Variants in NPM1 observed in about 807,000 individuals in gnomAD.
The protein encoded by NPM1 is nucleophosmin 1, also known as nucleophosmin.
In NPM1, 1 loss-of-function variant was observed where a neutral mutation model predicts 44.1. The observed-to-expected ratio is 0.02, with a 90% CI of 0.01 to 0.11. The LOEUF (loss-of-function observed/expected upper bound fraction) is 0.11. NPM1 is among the 10% of genes least tolerant of loss of function. The probability of loss-of-function intolerance (pLI) is 1.00; values close to 1 mark genes in which losing one functional copy is unlikely to be tolerated. For synonymous variants in NPM1, 126 were observed against 111.8 expected (o/e 1.13, Z -0.80); for missense variants, 197 against 347.8 (o/e 0.57, Z 3.45).
chr5:171,405,092 C>T, intron 8 of NPM1, among the ~76,000 whole-genome samples: 1 of 152,156 alleles, frequency 6.6e-6, no homozygotes, highest in East Asian at 1.9e-4. Context: ...CATGCACCAC[C>T]ATGCCTAGCT....
intron 2 of NPM1, 33 bp from the exon 3 acceptor site, chr5:171,391,272 A>G: frequency 2.5e-6 from 4 of 1,601,684 alleles, no homozygotes; most frequent in South Asian, 1.1e-5. Context: ...GTGGAACTCA[A>G]AAGTTGAAGT....
At chr5:171,407,797 T>G (rs1771649569) in intron 10 of NPM1, 23 bp downstream of exon 10, 1 of 1,467,296 alleles carries the variant, frequency 6.8e-7, no homozygotes, top group African/African-American at 1.4e-5. Flanking sequence ...TCTGGGGACA[T>G]GATTAAATCC....
At position 171,405,353 on chromosome 5, in the gene NPM1, C is replaced by G; in HGVS notation, c.721C>G (p.Pro241Ala). Residue 241 changes from proline (P) to alanine (A), a missense_variant, in exon 9 of 11, where the codon CCT (proline) becomes GCT (alanine). Physicochemically the swap from Pro to Ala is conservative, Grantham distance 27. This residue lies in a region of NPM1 where 47 missense variants were observed against 106.5 expected (regional missense o/e 0.44). Transcript: ENST00000296930. The part of the protein sequence containing the change: ...QEKTPKTPKG[P>A]SSVEDIKAKM... ...AAAAACTCCTAAAACACCAAAAGGA[C>G]CTAGTTCTGTAGAAGACATTAAAGC... 1.3e-6 allele frequency: 2 copies of G among 1,597,436 alleles called. No homozygotes were observed. Among genetic ancestry groups the G allele is most frequent in the Non-Finnish European group, 1.7e-6 (2 of 1,168,414 alleles).
At chr5:171,399,206 T>G (rs1321518425) in intron 6 of NPM1, among the ~76,000 whole-genome samples, 2 of 152,146 alleles carry the variant, frequency 1.3e-5, no homozygotes, top group Non-Finnish European at 2.9e-5. Flanking sequence ...TTTCTAGCTT[T>G]CTTCCTTTCC....
chr5:171,396,399 G>A (rs1021328557), intron 6 of NPM1, among the ~76,000 whole-genome samples: 26 of 152,288 alleles, frequency 1.7e-4, no homozygotes, highest in Admixed American at 9.8e-4. Flanking sequence ...CTAGCACAGG[G>A]GAGGCACCTG....
At chr5:171,401,767 G>A (rs1221649240) in intron 8 of NPM1, among the ~76,000 whole-genome samples, 1 of 152,140 alleles carries the variant, frequency 6.6e-6, no homozygotes, top group Non-Finnish European at 1.5e-5. Flanking sequence ...GTTGTTTCCT[G>A]TAAGGAATCT....
intron 10 of NPM1, 79 bp downstream of exon 10, chr5:171,407,853 G>T: frequency 1.2e-6 from 1 of 843,488 alleles, no homozygotes; most frequent in Non-Finnish European, 2.0e-6. Flanking sequence ...CCCTTTTTAA[G>T]TGTTGGCTCT....
At chr5:171,407,655 G>T in intron 9 of NPM1, 45 bp from the exon 10 acceptor site, 1 of 1,047,044 alleles carries the variant, frequency 9.6e-7, no homozygotes, top group Non-Finnish European at 1.5e-6. Flanking sequence ...TATCTCTCTC[G>T]GTGTATTTCT....
At chr5:171,403,778 C>T (rs1771392532) in intron 8 of NPM1, among the ~76,000 whole-genome samples, 2 of 127,312 alleles carry the variant, frequency 1.6e-5, no homozygotes, top group Non-Finnish European at 3.4e-5. Flanking sequence ...GCTGGCCGGG[C>T]AGAGGGGCTC....
chr5:171,392,957 A>T lies in NPM1; in HGVS notation c.503A>T (p.Asp168Val). The T allele has an allele frequency of 3.7e-6, 6 of 1,609,376 alleles. No individual in the cohort carries two copies. Among genetic ancestry groups the T allele is most frequent in the African/African-American group, 1.3e-5 (1 of 74,950 alleles). Residue 168 changes from aspartate (D) to valine (V), a missense_variant, in exon 6 of 11, where the codon GAT becomes GTT. Asp to Val is a radical substitution (Grantham distance 152). This residue lies in a region of NPM1 where 91 missense variants were observed against 94.0 expected (regional missense o/e 0.97). Transcript: ENST00000296930. ...LAADEDDDDD[D>V]EEDDDEDDDD... ...GCTGATGAAGATGATGACGATGATG[A>T]TGAAGAGGATGATGATGAAGAGTAA... is the stretch of plus-strand genomic sequence containing the variant.
chr5:171,404,813 G>A (rs1326345807), intron 8 of NPM1, among the ~76,000 whole-genome samples: 1 of 151,554 alleles, frequency 6.6e-6, no homozygotes, highest in Non-Finnish European at 1.5e-5. Context: ...GTAGTGAGCC[G>A]AGATCACGCC....
chr5:171,393,605 A>G (rs1025615482), intron 6 of NPM1, among the ~76,000 whole-genome samples: 3 of 144,534 alleles, frequency 2.1e-5, no homozygotes, highest in Non-Finnish European at 3.1e-5. Flanking sequence ...TATGTGTGCC[A>G]GTACCAGTAA....
At chr5:171,397,530 A>G (rs1237916606) in intron 6 of NPM1, among the ~76,000 whole-genome samples, 2 of 152,236 alleles carry the variant, frequency 1.3e-5, no homozygotes. Context: ...CTGTGGACTA[A>G]TAATGAGCAT....
chr5:171,388,078 G>GGGGGGGC, intron 1 of NPM1, 72 bp downstream of exon 1: 1 of 616,748 alleles, frequency 1.6e-6, no homozygotes, highest in African/African-American at 1.9e-5. Context: ...TGAGGGGCGG[G>GGGGGGGC]AATCCGGCTG....
chr5:171,410,144 C>T (rs909960685), intron 10 of NPM1, among the ~76,000 whole-genome samples: 12 of 152,338 alleles, frequency 7.9e-5, no homozygotes, highest in African/African-American at 2.6e-4. Flanking sequence ...CACACATGCA[C>T]AGGCAATTCA....
At chr5:171,410,034 G>A (rs116811151) in intron 10 of NPM1, among the ~76,000 whole-genome samples, 2,334 of 151,592 alleles carry the variant, frequency 0.015, 53 homozygotes, top group African/African-American at 0.053. Flanking sequence ...GAGCTGAAGT[G>A]ATCTGCCCGC....
At position 171,387,899 on chromosome 5, in the gene NPM1, C is replaced by T. The variant is rs539652493; in HGVS notation, c.-50C>T. On this transcript the variant is annotated 5_prime_UTR_variant, in exon 1 of 11. Coordinates refer to ENST00000296930, the MANE Select transcript of NPM1 (RefSeq NM_002520.7). ...CGCGGTTGTTCTCTGGAGCAGCGTTCTTTTATCTCCGTCCGCCTTCTCTCC... is the reference window on the plus strand; with the variant it reads ...CGCGGTTGTTCTCTGGAGCAGCGTTTTTTTATCTCCGTCCGCCTTCTCTCC... 24 of 1,577,342 alleles carry T rather than the reference C, an allele frequency of 1.5e-5. No individual in the cohort carries two copies. In the East Asian group the frequency reaches 2.7e-4, roughly 18 times the overall value.
intron 6 of NPM1, among the ~76,000 whole-genome samples, chr5:171,397,138 C>T (rs907545212): frequency 2.0e-5 from 3 of 151,986 alleles, no homozygotes; most frequent in African/African-American, 7.3e-5. Flanking sequence ...CTATAGGTTT[C>T]CTGTCCCTCA....
At chr5:171,410,443 G>T in intron 10 of NPM1, 84 bp from the exon 11 acceptor site, 1 of 799,940 alleles carries the variant, frequency 1.3e-6, no homozygotes. Context: ...AATAGATGTT[G>T]AACTATGCAA....
Sources: gnomAD v4.1 joint callset for allele counts (sites outside exome capture counted in the v4.1 genomes callset) on GRCh38, gnomAD v4.1.1 for gene constraint, gnomAD v4.1.1 regional missense constraint, MANE v1.5 for transcripts, NCBI Gene and HGNC (gene_info 2026-07-23, HGNC 2026-07-21) for gene names.